Variants in FHIT observed in about 807,000 individuals in gnomAD.
FHIT encodes bis(5'-adenosyl)-triphosphatase.
FHIT carries 19 observed loss-of-function variants against 17.9 expected under a neutral mutation model. The ratio of observed to expected loss-of-function variants is 1.06; its 90% CI spans 0.74 to 1.56. The LOEUF is 1.56. FHIT is among the 40% of genes most tolerant of loss of function. The pLI is 0.00. For missense variants in FHIT, 248 were observed against 189.2 expected (o/e 1.31, Z -1.82); for synonymous variants, 81 against 69.7 (o/e 1.16, Z -0.81).
chr3:59,906,516 G>T (rs768923976), intron 8 of FHIT, among the ~76,000 whole-genome samples: 3 of 152,168 alleles, frequency 2.0e-5, no homozygotes, highest in East Asian at 1.9e-4. Context: ...AACCTATTTA[G>T]CAAATCTGCA....
At chr3:60,145,396 T>A (rs1288171542) in intron 5 of FHIT, among the ~76,000 whole-genome samples, 2 of 152,196 alleles carry the variant, frequency 1.3e-5, no homozygotes, top group Admixed American at 1.3e-4. Context: ...GGGGGGCACA[T>A]AATAGCCAGC....
intron 5 of FHIT, among the ~76,000 whole-genome samples, chr3:60,394,645 C>T (rs1217984379): frequency 6.6e-6 from 1 of 152,084 alleles, no homozygotes; most frequent in Non-Finnish European, 1.5e-5. Flanking sequence ...GTTTTTTCAT[C>T]TCCAATGGAG....
At chr3:61,242,305 C>T (rs1231194629) in intron 1 of FHIT, among the ~76,000 whole-genome samples, 1 of 151,956 alleles carries the variant, frequency 6.6e-6, no homozygotes, top group East Asian at 1.9e-4. Flanking sequence ...AAAAAAAACA[C>T]CTCTGCCCTC....
chr3:59,921,688 G>C (rs942851715), intron 8 of FHIT, among the ~76,000 whole-genome samples: 1 of 152,156 alleles, frequency 6.6e-6, no homozygotes, highest in Non-Finnish European at 1.5e-5. Flanking sequence ...ATGACAGGCT[G>C]TATGCTCCAC....
chr3:60,310,543 G>A (rs973097229), intron 5 of FHIT, among the ~76,000 whole-genome samples: 8 of 151,970 alleles, frequency 5.3e-5, no homozygotes, highest in African/African-American at 1.7e-4. Context: ...ACAGGTGCAG[G>A]AGGTGACCAG....
At chr3:60,967,370 A>G (rs951753197) in intron 3 of FHIT, among the ~76,000 whole-genome samples, 5 of 152,224 alleles carry the variant, frequency 3.3e-5, no homozygotes, top group African/African-American at 1.2e-4. Flanking sequence ...AGCATTGCAA[A>G]TACCTAAGAC....
intron 4 of FHIT, among the ~76,000 whole-genome samples, chr3:60,615,898 G>C (rs1006076870): frequency 3.9e-5 from 6 of 152,188 alleles, no homozygotes; most frequent in Non-Finnish European, 8.8e-5. Flanking sequence ...AATAAGAATA[G>C]AGTGAGATGT....
intron 8 of FHIT, among the ~76,000 whole-genome samples, chr3:59,820,751 G>C (rs936777798): frequency 1.3e-5 from 2 of 152,202 alleles, no homozygotes; most frequent in African/African-American, 4.8e-5. Flanking sequence ...GTCACACAGA[G>C]GGTGGGGAAG....
intron 7 of FHIT, among the ~76,000 whole-genome samples, chr3:59,939,086 G>A (rs530246367): frequency 6.6e-6 from 1 of 152,260 alleles, no homozygotes; most frequent in Admixed American, 6.5e-5. Context: ...AGACAGTGGG[G>A]GAAGCCCCAG....
intron 5 of FHIT, among the ~76,000 whole-genome samples, chr3:60,252,403 A>T (rs1705758651): frequency 1.3e-5 from 2 of 152,140 alleles, no homozygotes; most frequent in Middle Eastern, 3.4e-3. Flanking sequence ...AAAATTTAAA[A>T]AATTTAAAAA....
At chr3:60,881,452 G>A (rs1290100861) in intron 3 of FHIT, among the ~76,000 whole-genome samples, 3 of 152,238 alleles carry the variant, frequency 2.0e-5, no homozygotes, top group East Asian at 1.9e-4. Flanking sequence ...GACATTTACA[G>A]AACATTTCAA....
intron 3 of FHIT, among the ~76,000 whole-genome samples, chr3:61,034,242 A>G (rs1340751552): frequency 6.6e-6 from 1 of 152,200 alleles, no homozygotes; most frequent in African/African-American, 2.4e-5. Flanking sequence ...AGCACAAGCA[A>G]CAAAAGAAAA....
At chr3:60,852,834 T>A (rs545050040) in intron 3 of FHIT, among the ~76,000 whole-genome samples, 1 of 151,836 alleles carries the variant, frequency 6.6e-6, no homozygotes, top group East Asian at 1.9e-4. Context: ...TGAGACCCTA[T>A]CCCCTAAAAA....
intron 5 of FHIT, among the ~76,000 whole-genome samples, chr3:60,470,935 C>T (rs367748116): frequency 2.2e-4 from 33 of 152,156 alleles, no homozygotes; most frequent in African/African-American, 8.0e-4. Context: ...GTGATGCACT[C>T]TGCAAGAACT....
chr3:60,647,056 A>T (rs1330565465), intron 4 of FHIT, among the ~76,000 whole-genome samples: 4 of 152,196 alleles, frequency 2.6e-5, no homozygotes, highest in Non-Finnish European at 1.5e-5. Flanking sequence ...TTTTCCTAAC[A>T]GCTTCCTCTA....
At chr3:61,179,794 T>C (rs979025394) in intron 2 of FHIT, among the ~76,000 whole-genome samples, 1 of 142,276 alleles carries the variant, frequency 7.0e-6, no homozygotes, top group Non-Finnish European at 1.5e-5. Context: ...TGAGTCAAGA[T>C]AGTGACAGCC....
chr3:59,901,241 A>C (rs1016279248), intron 8 of FHIT, among the ~76,000 whole-genome samples: 9 of 152,202 alleles, frequency 5.9e-5, no homozygotes, highest in Non-Finnish European at 1.2e-4. Context: ...AGGTATTTGG[A>C]AAGATTCTAG....
At chr3:61,137,647 A>C (rs561531236) in intron 2 of FHIT, among the ~76,000 whole-genome samples, 2 of 152,090 alleles carry the variant, frequency 1.3e-5, no homozygotes, top group South Asian at 4.1e-4. Flanking sequence ...CTTAGTCAAG[A>C]CTCTTTTGGT....
At chr3:59,948,868 T>C (rs978477606) in intron 7 of FHIT, among the ~76,000 whole-genome samples, 9 of 152,148 alleles carry the variant, frequency 5.9e-5, no homozygotes, top group Admixed American at 3.9e-4. Context: ...ATGAATACTA[T>C]AGACTTTTTT....
Sources: gnomAD v4.1 joint callset for allele counts (sites outside exome capture counted in the v4.1 genomes callset) on GRCh38, gnomAD v4.1.1 for gene constraint, MANE v1.5 for transcripts, NCBI Gene and HGNC (gene_info 2026-07-23, HGNC 2026-07-21) for gene names.